TSKS: variants seen among roughly 807,000 people sequenced by gnomAD.
TSKS encodes testis-specific serine kinase substrate.
A neutral mutation model predicts 68.0 loss-of-function variants in TSKS; 27 were observed. The observed-to-expected ratio is 0.40, with a 90% CI of 0.29 to 0.55. TSKS has a LOEUF of 0.55. TSKS is among the 20% of genes least tolerant of loss of function. The pLI is 0.53. For synonymous variants in TSKS, 331 were observed against 340.4 expected, an observed-to-expected ratio of 0.97 and a Z score of 0.30; for missense variants, 806 against 776.0, an observed-to-expected ratio of 1.04 and a Z score of -0.46.
chr19:49,747,057 C>A, intron 5 of TSKS: 1 of 1,362,436 alleles, frequency 7.3e-7, no homozygotes, highest in South Asian at 1.4e-5. Flanking sequence ...CGTCAAATAC[C>A]AGTCCCGGCC....
chr19:49,749,887 A>G (rs2380185), intron 2 of TSKS, among the ~76,000 whole-genome samples: 57,730 of 151,718 alleles, frequency 0.38, 12,608 homozygotes, highest in African/African-American at 0.6. Flanking sequence ...TGGTCTTACA[A>G]GCATGAGCCA....
rs2084276280 is a variant in TSKS at position 49,744,174 on chromosome 19, G to A, written c.1361+57C>T. ...CTTCACTAATGTCCCATCTCCTTCC[G>A]CATCTCCTTTAATGTCCTATCCACA... On this transcript the variant is annotated intron_variant, in intron 8 of 10. Coordinates refer to ENST00000246801, the MANE Select transcript of TSKS (RefSeq NM_021733.2). The A allele has an allele frequency of 1.9e-6, 3 of 1,554,876 alleles. No individual in the cohort carries two copies. In the African/African-American group the frequency reaches 4.1e-5, roughly 21 times the overall value.
chr19:49,756,350 T>G (rs970026803), intron 2 of TSKS, among the ~76,000 whole-genome samples: 14 of 152,044 alleles, frequency 9.2e-5, no homozygotes, highest in Admixed American at 8.5e-4. Context: ...TCTCAGCTCC[T>G]TGGGATGCTG....
At position 49,747,421 on chromosome 19, in the gene TSKS, T is replaced by C. The variant is rs185047292; in HGVS notation, c.631A>G (p.Asn211Asp). Reference protein sequence around the residue: ...RSVEDAEIKTNVLKQNSALLE... With the variant: ...RSVEDAEIKTDVLKQNSALLE... Reference sequence around the variant, plus strand: ...AGGGCAGAATTCTGCTTCAAGACGTTGGTTTTGATTTCAGCATCTTCCACA... The same window carrying C: ...AGGGCAGAATTCTGCTTCAAGACGTCGGTTTTGATTTCAGCATCTTCCACA... The change falls in exon 5 of 11, where the codon AAC becomes GAC. Residue 211 changes from asparagine to aspartate, a missense_variant. Asn to Asp is a conservative substitution (Grantham distance 23). Coordinates refer to ENST00000246801, the MANE Select transcript of TSKS (RefSeq NM_021733.2). The C allele has an allele frequency of 1.2e-6, 2 of 1,614,174 alleles. No individual in the cohort carries two copies. The highest frequency in any genetic ancestry group is 2.2e-5 in the East Asian group (1 of 44,870).
intron 2 of TSKS, among the ~76,000 whole-genome samples, chr19:49,749,610 C>CA (rs1257482359): frequency 6.7e-6 from 1 of 149,928 alleles, no homozygotes; most frequent in African/African-American, 2.5e-5. Flanking sequence ...ATAATGTAGT[C>CA]AATTTATTTT....
intron 2 of TSKS, among the ~76,000 whole-genome samples, chr19:49,757,825 A>G (rs1299999695): frequency 6.8e-6 from 1 of 148,140 alleles, no homozygotes; most frequent in Admixed American, 6.7e-5. Context: ...CTGTCCCCCA[A>G]ATCTCAGAGT....
At chr19:49,758,098 C>T (rs2084407925) in intron 2 of TSKS, among the ~76,000 whole-genome samples, 2 of 151,492 alleles carry the variant, frequency 1.3e-5, no homozygotes, top group Admixed American at 1.3e-4. Context: ...GTCCTCCTCT[C>T]TCTTGGTCTC....
intron 8 of TSKS, 94 bp downstream of exon 8, chr19:49,744,137 C>T: frequency 7.4e-7 from 1 of 1,357,984 alleles, no homozygotes; most frequent in East Asian, 2.3e-5. Flanking sequence ...CCAAAATGAA[C>T]AGCGCCCCAC....
chr19:49,759,928 C>A (rs991320804), intron 2 of TSKS, among the ~76,000 whole-genome samples: 1 of 150,088 alleles, frequency 6.7e-6, no homozygotes, highest in South Asian at 2.1e-4. Context: ...CTGAGGTGGG[C>A]GGTCATCTGA....
intron 7 of TSKS, 137 bp downstream of exon 7, chr19:49,745,065 T>C: frequency 1.2e-6 from 1 of 806,756 alleles, no homozygotes; most frequent in Non-Finnish European, 1.8e-6. Flanking sequence ...CTCTAATTGG[T>C]GTTTCCCGAT....
Position 49,746,817 on chromosome 19 carries a change from C to G in TSKS, c.664-19G>C. 2 of 1,594,738 alleles carry G rather than the reference C, an allele frequency of 1.3e-6. No individual in the cohort carries two copies. Among genetic ancestry groups the G allele is most frequent in the Non-Finnish European group, 1.7e-6 (2 of 1,177,600 alleles). On this transcript the variant is annotated intron_variant, in intron 5 of 10. Transcript: ENST00000246801. ...GCTTCTCCTGGGTGGTAAGGGAGGA[C>G]GGGGTCACAGCGTCCAGCCGCTTTC... is the stretch of plus-strand genomic sequence containing the variant.
intron 2 of TSKS, among the ~76,000 whole-genome samples, chr19:49,749,773 G>A (rs2084333764): frequency 6.6e-6 from 1 of 151,980 alleles, no homozygotes; most frequent in Non-Finnish European, 1.5e-5. Context: ...ACCATGCCCA[G>A]CAAAATTTTA....
Position 49,740,180 on chromosome 19 carries a change from G to C in TSKS, c.1501C>G (p.Leu501Val), listed in dbSNP as rs1441133687. 1.2e-6 allele frequency: 2 copies of C among 1,611,782 alleles called. No homozygotes were observed. Among genetic ancestry groups the C allele is most frequent in the South Asian group, 1.1e-5 (1 of 91,016 alleles). The change falls in exon 10 of 11, where the codon CTG (leucine) becomes GTG (valine). Residue 501 changes from leucine (L) to valine (V), a missense_variant. By Grantham distance (32) the Leu-to-Val change is conservative (BLOSUM62 1). Coordinates refer to ENST00000246801, the MANE Select transcript of TSKS (RefSeq NM_021733.2). ...TGTTTGGCTAAGGCCTGGCGCTCCA[G>C]CTCCTGGGGAGAGGAGCGTAGGCGT... The part of the protein sequence containing the change: ...CQRLHKKILE[L>V]ERQALAKHVR...
At chr19:49,757,264 C>G (rs1262489655) in intron 2 of TSKS, among the ~76,000 whole-genome samples, 3 of 152,202 alleles carry the variant, frequency 2.0e-5, no homozygotes, top group Non-Finnish European at 4.4e-5. Flanking sequence ...GTAGCACAAC[C>G]TCTGGCCCCA....
intron 8 of TSKS, 83 bp downstream of exon 8, chr19:49,744,148 C>A (rs2084275996): frequency 2.1e-6 from 3 of 1,445,828 alleles, no homozygotes; most frequent in Non-Finnish European, 2.9e-6. Context: ...AGCGCCCCAC[C>A]CTTCACTAAT....
At chr19:49,749,847 A>G (rs906350753) in intron 2 of TSKS, among the ~76,000 whole-genome samples, 2 of 152,044 alleles carry the variant, frequency 1.3e-5, no homozygotes, top group Non-Finnish European at 2.9e-5. Context: ...CCTGGGCTCA[A>G]GTGATCCTTT....
chr19:49,746,357 A>G, intron 6 of TSKS, 113 bp downstream of exon 6: 1 of 1,279,404 alleles, frequency 7.8e-7, no homozygotes, highest in Non-Finnish European at 1.1e-6. Context: ...CGCCCACCTC[A>G]GCTACTTGAG....
intron 2 of TSKS, among the ~76,000 whole-genome samples, chr19:49,760,620 C>A (rs907143188): frequency 6.6e-6 from 1 of 151,390 alleles, no homozygotes; most frequent in African/African-American, 2.4e-5. Flanking sequence ...TAGGTCACTG[C>A]GCCTGGCCTA....
rs369330094 is a variant in TSKS, at chr19:49,763,197, C to T, written c.51G>A (p.Glu17=). ...KTIWQSKEIH[E]AGDTPTGVES... is the part of the protein sequence containing the mutation. ...CCACCCCCGTGGGGGTGTCCCCGGC[C>T]TCATGGATCTCTTTGGACTGCCAGA... The change falls in exon 1 of 11, where the codon GAG becomes GAA. Residue 17 remains glutamate (E), a synonymous_variant. Transcript: ENST00000246801. The surrounding 1 kb of genome is among the most constrained non-coding windows in gnomAD (Gnocchi z 4.5). The T allele has an allele frequency of 6.1e-5, 96 of 1,575,196 alleles. No individual in the cohort carries two copies. The highest frequency in any genetic ancestry group is 7.9e-5 in the Non-Finnish European group (92 of 1,161,678).
Sources: allele counts gnomAD v4.1 joint callset (sites outside exome capture counted in the v4.1 genomes callset), GRCh38; gene constraint gnomAD v4.1.1; non-coding constraint Gnocchi (gnomAD v3.1); transcripts MANE v1.5; gene names NCBI Gene and HGNC (gene_info 2026-07-23, HGNC 2026-07-21).